CFAP44: variants seen among roughly 807,000 people sequenced by gnomAD.
CFAP44 encodes the protein cilia- and flagella-associated protein 44.
A neutral mutation model predicts 216.2 loss-of-function variants in CFAP44; 134 were observed. That is an observed-to-expected ratio of 0.62 (90% CI 0.54 to 0.72). CFAP44 has a LOEUF of 0.72. Ranked by LOEUF, CFAP44 falls within the 30% of genes least tolerant of loss-of-function variation. The probability of loss-of-function intolerance (pLI) is 0.00; values close to 1 mark genes in which losing one functional copy is unlikely to be tolerated. For missense variants in CFAP44, 2,035 were observed against 2,182.1 expected (o/e 0.93, Z 1.34); for synonymous variants, 700 against 727.6 (o/e 0.96, Z 0.61).
At chr3:113,303,716 T>C (rs1949959742) in intron 32 of CFAP44, among the ~76,000 whole-genome samples, 200 bp downstream of exon 32, 1 of 152,180 alleles carries the variant, frequency 6.6e-6, no homozygotes, top group South Asian at 2.1e-4. Flanking sequence ...GACAAAAGAT[T>C]TCTCCCTTTA....
At chr3:113,381,401 G>A (rs1199158278) in intron 15 of CFAP44, among the ~76,000 whole-genome samples, 1 of 152,134 alleles carries the variant, frequency 6.6e-6, no homozygotes, top group Non-Finnish European at 1.5e-5. Flanking sequence ...TAGCCGAAAG[G>A]ACCAGATATT....
At chr3:113,429,440 C>T (rs1051198927) in intron 2 of CFAP44, among the ~76,000 whole-genome samples, 1 of 152,070 alleles carries the variant, frequency 6.6e-6, no homozygotes, top group African/African-American at 2.4e-5. Context: ...GCCACTCCAG[C>T]CGTGTTATGC....
chr3:113,425,878 G>T (rs1934946263), intron 4 of CFAP44: 2 of 407,768 alleles, frequency 4.9e-6, no homozygotes, highest in East Asian at 7.6e-5. Flanking sequence ...TAAAGGGAAG[G>T]TAGTAAATAG....
Position 113,425,853 on chromosome 3 carries a change from G to T in CFAP44, c.407+271C>A, listed in dbSNP as rs1484634035. On this transcript the variant is annotated intron_variant, in intron 4 of 34. Coordinates refer to ENST00000393845, the MANE Select transcript of CFAP44 (RefSeq NM_001164496.2). ...TCTTAGAATTACCTAATATGGGTTGGCACACATTTTTTTATAAAGGGAAGG... is the reference window on the plus strand; with the variant it reads ...TCTTAGAATTACCTAATATGGGTTGTCACACATTTTTTTATAAAGGGAAGG... The T allele has an allele frequency of 1.2e-5, 4 of 332,426 alleles. No individual in the cohort carries two copies. In the East Asian group the frequency reaches 1.5e-4, roughly 13 times the overall value. The allele number at this position is 332,426 out of a possible 1,614,324, so 20.6% of individuals were successfully genotyped here. A position where few individuals can be genotyped will look rare whatever the true frequency, so the allele number is the denominator to read the frequency against.
At chr3:113,326,666 T>C (rs1271723009) in intron 27 of CFAP44, 26 bp from the exon 28 acceptor site, 5 of 1,387,898 alleles carry the variant, frequency 3.6e-6, no homozygotes, top group East Asian at 2.5e-5. Context: ...CAAGGACAAA[T>C]GATAAATATT....
At position 113,342,888 on chromosome 3, in the gene CFAP44, G is replaced by A. The variant is rs191521221; in HGVS notation, c.3263-970C>T. Among the ~76,000 whole-genome samples, 289 of 151,772 alleles carry A rather than the reference G, an allele frequency of 1.9e-3. 2 individuals carry two copies. Among genetic ancestry groups the A allele is most frequent in the African/African-American group, 5.7e-3 (236 of 41,428 alleles). The stretch of plus-strand genomic sequence containing the variant: ...AATCCCAGTTACTCAGGAGGCTGAA[G>A]TACCAGAATTGCTTGAACCTGAGAG... On this transcript the variant is annotated intron_variant, in intron 23 of 34. Transcript: ENST00000393845.
At chr3:113,357,979 C>T (rs989208537) in intron 22 of CFAP44, among the ~76,000 whole-genome samples, 1 of 151,988 alleles carries the variant, frequency 6.6e-6, no homozygotes, top group Non-Finnish European at 1.5e-5. Context: ...GTGGTATAAT[C>T]ATTTTAAAGA....
chr3:113,429,702 C>T lies in CFAP44; in HGVS notation c.101-2363G>A, dbSNP rs538934857. On this transcript the variant is annotated intron_variant, in intron 2 of 34. Coordinates refer to ENST00000393845, the MANE Select transcript of CFAP44 (RefSeq NM_001164496.2). Reference sequence around the variant, plus strand: ...ATTTGATAAGTTATTTTCTGTTTTTCTCCTCCTACCTGTCCTTTTTCCCTC... The same window carrying T: ...ATTTGATAAGTTATTTTCTGTTTTTTTCCTCCTACCTGTCCTTTTTCCCTC... Among the ~76,000 whole-genome samples, 5 of 152,048 alleles carry T rather than the reference C, an allele frequency of 3.3e-5. 1 individual carries two copies. In the South Asian group the frequency reaches 1.0e-3, roughly 32 times the overall value.
At chr3:113,363,638 T>C in intron 19 of CFAP44, 106 bp from the exon 20 acceptor site, 15 of 953,986 alleles carry the variant, frequency 1.6e-5, no homozygotes, top group Non-Finnish European at 2.1e-5. Flanking sequence ...CGGTTTTCTT[T>C]TTCTGCCAAT....
chr3:113,298,691 G>A (rs1431219991), intron 32 of CFAP44, among the ~76,000 whole-genome samples: 1 of 152,140 alleles, frequency 6.6e-6, no homozygotes, highest in African/African-American at 2.4e-5. Flanking sequence ...GCTACAACAC[G>A]GATAAACCTG....
At chr3:113,367,510 C>T (rs1371131962) in intron 18 of CFAP44, among the ~76,000 whole-genome samples, 1 of 152,194 alleles carries the variant, frequency 6.6e-6, no homozygotes, top group Non-Finnish European at 1.5e-5. Flanking sequence ...AGAAGGAAAA[C>T]TAACAAACAG....
intron 17 of CFAP44, among the ~76,000 whole-genome samples, chr3:113,376,968 G>C (rs1021842073): frequency 6.6e-6 from 1 of 152,340 alleles, no homozygotes; most frequent in East Asian, 1.9e-4. Context: ...ATTGGGAACA[G>C]TGTCCTTGGA....
At chr3:113,363,102 A>G (rs765576084) in intron 21 of CFAP44, 43 bp downstream of exon 21, 1 of 1,504,838 alleles carries the variant, frequency 6.6e-7, no homozygotes, top group Non-Finnish European at 8.9e-7. Flanking sequence ...CTATCCAGAA[A>G]TAGCATATGT....
intron 18 of CFAP44, among the ~76,000 whole-genome samples, chr3:113,368,600 T>A (rs903060134): frequency 6.6e-6 from 1 of 151,968 alleles, no homozygotes; most frequent in Non-Finnish European, 1.5e-5. Context: ...GCACTAAACA[T>A]GGAAAGGAAC....
At chr3:113,402,987 G>A (rs1934182686) in intron 9 of CFAP44, among the ~76,000 whole-genome samples, 1 of 151,974 alleles carries the variant, frequency 6.6e-6, no homozygotes, top group Non-Finnish European at 1.5e-5. Context: ...ATACACTGGG[G>A]CTCAAAAAGC....
chr3:113,376,556 G>C (rs1933350201), intron 17 of CFAP44, among the ~76,000 whole-genome samples: 1 of 152,210 alleles, frequency 6.6e-6, no homozygotes, highest in Admixed American at 6.5e-5. Context: ...AGAGTGTAAT[G>C]TCTTAGAAGC....
chr3:113,394,395 C>T (rs576858500), intron 15 of CFAP44, among the ~76,000 whole-genome samples: 3 of 152,232 alleles, frequency 2.0e-5, no homozygotes, highest in Admixed American at 1.3e-4. Flanking sequence ...GAAGGATGCA[C>T]ATAATATTAT....
Position 113,400,643 on chromosome 3 carries a change from G to A in CFAP44, c.1376C>T (p.Thr459Ile), listed in dbSNP as rs1415062059. The A allele has an allele frequency of 6.2e-7, 1 of 1,609,038 alleles. No homozygotes were observed. The highest frequency in any genetic ancestry group is 8.5e-7 in the Non-Finnish European group (1 of 1,177,692). ...WKLDLSFSNI[T>I]QDPECLFSFH... ...GGAGAAGAGGCATTCTGGGTCCTGG[G>A]TCTGAGAATAGATAGACAGCTTACT... The change falls in exon 12 of 35, where the codon ACC (threonine) becomes ATC (isoleucine). Residue 459 changes from threonine (T) to isoleucine (I), a missense_variant and splice_region_variant. Coordinates refer to ENST00000393845, the MANE Select transcript of CFAP44 (RefSeq NM_001164496.2).
In CFAP44 at chr3:113,427,663, G is replaced by A. The variant is rs145671475; in HGVS notation, c.101-324C>T. On this transcript the variant is annotated intron_variant, in intron 2 of 34. Transcript: ENST00000393845. ...AAATTCAATTTTACTAACTTTTATA[G>A]GGAACCTGTTACGTTAAAGACAAAC... 4.3e-3 allele frequency: 900 copies of A among 207,234 alleles called. 10 individuals are homozygous for A. Among genetic ancestry groups the A allele is most frequent in the African/African-American group, 0.02 (839 of 42,456 alleles). The allele number at this position is 207,234 out of a possible 1,614,324, so 12.8% of individuals were successfully genotyped here.
Sources: gnomAD v4.1 joint callset for allele counts (sites outside exome capture counted in the v4.1 genomes callset) on GRCh38, gnomAD v4.1.1 for gene constraint, MANE v1.5 for transcripts, NCBI Gene and HGNC (gene_info 2026-07-23, HGNC 2026-07-21) for gene names.